Variants in SH3D19 observed in about 807,000 individuals in gnomAD.
SH3D19 encodes SH3 domain containing 19.
SH3D19 carries 58 observed loss-of-function variants against 112.1 expected under a neutral mutation model. The observed-to-expected ratio is 0.52, with a 90% confidence interval of 0.42 to 0.64. The LOEUF is 0.64. Ranked by LOEUF, SH3D19 falls within the 30% of genes least tolerant of loss-of-function variation. The pLI is 0.00. For synonymous variants in SH3D19, 391 were observed against 448.5 expected (o/e 0.87, Z 1.62); for missense variants, 1,090 against 1,263.4 (o/e 0.86, Z 2.08).
intron 1 of SH3D19, among the ~76,000 whole-genome samples, chr4:151,271,075 C>A (rs983233609): frequency 5.3e-5 from 8 of 152,144 alleles, no homozygotes; most frequent in Non-Finnish European, 8.8e-5. Flanking sequence ...AAACATGCAA[C>A]ACCCCGCCTG....
chr4:151,265,902 G>A (rs1561413688), intron 1 of SH3D19, among the ~76,000 whole-genome samples: 1 of 151,986 alleles, frequency 6.6e-6, no homozygotes, highest in Non-Finnish European at 1.5e-5. Flanking sequence ...ACTTATTACA[G>A]CAGCTTTGGA....
intron 2 of SH3D19, among the ~76,000 whole-genome samples, chr4:151,202,860 G>A (rs1764592586): frequency 6.6e-6 from 1 of 152,178 alleles, no homozygotes; most frequent in Admixed American, 6.5e-5. Flanking sequence ...GTGTGATAAA[G>A]TTGGACATTT....
chr4:151,125,239 G>A (rs1317214078), intron 19 of SH3D19, among the ~76,000 whole-genome samples: 6 of 152,110 alleles, frequency 3.9e-5, no homozygotes, highest in East Asian at 1.9e-4. Context: ...AGGTTGGGGC[G>A]GATGGATCGC....
chr4:151,159,203 C>T (rs772203467), intron 9 of SH3D19, 37 bp downstream of exon 9: 14 of 1,155,400 alleles, frequency 1.2e-5, no homozygotes, highest in East Asian at 5.5e-5. Flanking sequence ...TGCATAGCTA[C>T]GTCTTCAATC....
chr4:151,149,503 G>A lies in SH3D19; in HGVS notation c.1814C>T (p.Pro605Leu), dbSNP rs774877052. ...GFVRVPPRLP[P>L]RPVNGKTIPT... The stretch of plus-strand genomic sequence containing the variant: ...AACTTTTCCCACATTTACTTACCTC[G>A]GTGGCAACCTTGGGGGTACTCGCAC... Residue 605 changes from proline (P) to leucine (L), a missense_variant, in exon 10 of 20, where the codon CCG becomes CTG. Physicochemically the swap from Pro to Leu is moderately conservative, Grantham distance 98 (BLOSUM62 -3). Transcript: ENST00000604030. The A allele has an allele frequency of 5.6e-6, 9 of 1,609,034 alleles. No homozygotes were observed. Among genetic ancestry groups the A allele is most frequent in the Admixed American group, 3.4e-5 (2 of 59,472 alleles).
At chr4:151,256,539 A>G (rs1370794308) in intron 1 of SH3D19, among the ~76,000 whole-genome samples, 2 of 152,216 alleles carry the variant, frequency 1.3e-5, no homozygotes, top group African/African-American at 4.8e-5. Context: ...TTGAGAGACA[A>G]TATAAAAAAT....
intron 14 of SH3D19, among the ~76,000 whole-genome samples, chr4:151,136,417 G>A (rs1751866003): frequency 6.6e-6 from 1 of 152,194 alleles, no homozygotes; most frequent in Admixed American, 6.5e-5. Context: ...CTCCCAAAGT[G>A]TTGGGATTAC....
rs748120100 is a variant in SH3D19 at position 151,165,611 on chromosome 4, T to C, written c.1620A>G (p.Arg540=). ...TACATTTTCCTGGTTTGGCTGGAAT[T>C]CGAATTACAGTGGGCTTCCTGGTGG... ...PAPTRKPTVI[R]IPAKPGKCLH... The change falls in exon 8 of 20, where the codon CGA becomes CGG. Residue 540 remains arginine, a synonymous_variant. Transcript: ENST00000604030. The C allele has an allele frequency of 6.8e-6, 11 of 1,614,054 alleles. No individual in the cohort carries two copies. The highest frequency in any genetic ancestry group is 9.3e-6 in the Non-Finnish European group (11 of 1,179,964).
chr4:151,151,505 A>G (rs919876356), intron 9 of SH3D19, among the ~76,000 whole-genome samples: 7 of 151,802 alleles, frequency 4.6e-5, no homozygotes, highest in Non-Finnish European at 8.8e-5. Context: ...TATGATTTTT[A>G]AATTATACTG....
chr4:151,303,071 T>A (rs1171440126), intron 1 of SH3D19, among the ~76,000 whole-genome samples: 1 of 152,200 alleles, frequency 6.6e-6, no homozygotes. Context: ...CTAGAACAGG[T>A]TCTGTTGGGT....
intron 2 of SH3D19, among the ~76,000 whole-genome samples, chr4:151,218,013 C>T (rs1462396336): frequency 2.0e-5 from 3 of 151,970 alleles, no homozygotes; most frequent in African/African-American, 7.3e-5. Flanking sequence ...TAAATATATG[C>T]TATATATATG....
intron 1 of SH3D19, among the ~76,000 whole-genome samples, chr4:151,237,227 C>T (rs775931456): frequency 1.3e-5 from 2 of 152,208 alleles, no homozygotes; most frequent in Non-Finnish European, 2.9e-5. Flanking sequence ...GGGTCTGTGG[C>T]TTCATTCTTG....
At chr4:151,162,151 C>T (rs1757272778) in intron 8 of SH3D19, among the ~76,000 whole-genome samples, 1 of 149,778 alleles carries the variant, frequency 6.7e-6, no homozygotes, top group Admixed American at 6.7e-5. Context: ...CCTCCCCTTG[C>T]CCCCAACTCC....
chr4:151,191,516 C>T (rs1322769254), intron 2 of SH3D19, among the ~76,000 whole-genome samples: 2 of 152,088 alleles, frequency 1.3e-5, no homozygotes, highest in Non-Finnish European at 1.5e-5. Flanking sequence ...CTGTGCTGTT[C>T]TCATGATAGT....
intron 13 of SH3D19, 129 bp from the exon 14 acceptor site, chr4:151,137,991 T>A: frequency 1.6e-6 from 1 of 635,702 alleles, no homozygotes; most frequent in Non-Finnish European, 2.3e-6. Flanking sequence ...CAGATTATAC[T>A]AATCAAATTG....
At chr4:151,224,490 A>T (rs779809992) in intron 2 of SH3D19, among the ~76,000 whole-genome samples, 2 of 152,148 alleles carry the variant, frequency 1.3e-5, no homozygotes, top group Non-Finnish European at 2.9e-5. Context: ...AAATATTGCT[A>T]AGTCACATCT....
intron 1 of SH3D19, among the ~76,000 whole-genome samples, chr4:151,239,767 G>A (rs1337410709): frequency 1.3e-5 from 2 of 152,048 alleles, no homozygotes; most frequent in Non-Finnish European, 2.9e-5. Flanking sequence ...AGATTCAAGA[G>A]GTCCATATCA....
chr4:151,223,464 C>T (rs900140618), intron 2 of SH3D19, among the ~76,000 whole-genome samples: 1 of 152,154 alleles, frequency 6.6e-6, no homozygotes, highest in Non-Finnish European at 1.5e-5. Flanking sequence ...TTGAGCACTT[C>T]CTAGCTTTCT....
rs34219685 is a variant in SH3D19 at position 151,148,254 on chromosome 4, T to TACACACACACACAC, written c.1818-82_1818-69dup. 9.5e-4 allele frequency: 931 copies of TACACACACACACAC among 983,742 alleles called. 7 individuals carry two copies. In the African/African-American group the frequency reaches 0.013, roughly 14 times the overall value. The allele number at this position is 983,742 out of a possible 1,614,324, so 60.9% of individuals were successfully genotyped here. ...TATTAAATTCTGTCCTGTCCTGTCT[T>TACACACACACACAC]ACACACACACACACACACACACACA... On this transcript the variant is annotated intron_variant, in intron 10 of 19. Transcript: ENST00000604030.
Sources: allele counts gnomAD v4.1 joint callset (sites outside exome capture counted in the v4.1 genomes callset), GRCh38; gene constraint gnomAD v4.1.1; transcripts MANE v1.5; gene names NCBI Gene and HGNC (gene_info 2026-07-23, HGNC 2026-07-21).